The following CTDSPL2 variants were observed in gnomAD, a reference collection of about 807,000 sequenced individuals.
The protein encoded by CTDSPL2 is CTD small phosphatase-like protein 2.
CTDSPL2 carries 5 observed loss-of-function variants against 60.0 expected under a neutral mutation model. The observed-to-expected ratio is 0.08, with a 90% CI of 0.04 to 0.18. CTDSPL2 has a LOEUF of 0.18. Among genes scored for constraint, CTDSPL2 ranks in the 10% least tolerant of loss-of-function variants. CTDSPL2 has a pLI of 1.00. For synonymous variants in CTDSPL2, 186 were observed against 189.3 expected (o/e 0.98, Z 0.14); for missense variants, 370 against 548.8 (o/e 0.67, Z 3.26).
intron 1 of CTDSPL2, among the ~76,000 whole-genome samples, chr15:44,436,233 G>A (rs1355785034): frequency 6.6e-6 from 1 of 152,210 alleles, no homozygotes; most frequent in Non-Finnish European, 1.5e-5. Flanking sequence ...CATACCATTT[G>A]TAAGGTAGAG....
chr15:44,446,575 A>G (rs1297455849), intron 1 of CTDSPL2, among the ~76,000 whole-genome samples: 1 of 150,682 alleles, frequency 6.6e-6, no homozygotes, highest in East Asian at 2.0e-4. Context: ...GGTTGCAGTG[A>G]GCTGAGATAG....
intron 2 of CTDSPL2, among the ~76,000 whole-genome samples, chr15:44,460,403 C>T (rs765520666): frequency 5.3e-5 from 8 of 152,138 alleles, no homozygotes; most frequent in Non-Finnish European, 1.0e-4. Flanking sequence ...CCACCGCGCC[C>T]GGCCTCAGTT....
chr15:44,523,931 C>G (rs188451225), intron 12 of CTDSPL2, among the ~76,000 whole-genome samples, 178 bp from the exon 13 acceptor site: 1 of 152,156 alleles, frequency 6.6e-6, no homozygotes, highest in South Asian at 2.1e-4. Context: ...AAATCTTCAA[C>G]GAAATTCTTT....
intron 8 of CTDSPL2, among the ~76,000 whole-genome samples, chr15:44,510,580 G>C (rs1465932861): frequency 6.6e-6 from 1 of 152,094 alleles, no homozygotes; most frequent in East Asian, 1.9e-4. Context: ...TTTGGCCTTT[G>C]GGAGATTACA....
chr15:44,430,589 T>G (rs1007380890), intron 1 of CTDSPL2, among the ~76,000 whole-genome samples: 2 of 152,120 alleles, frequency 1.3e-5, no homozygotes, highest in African/African-American at 4.8e-5. Flanking sequence ...GACTGTGCTT[T>G]AGATTGATGA....
At chr15:44,434,098 T>A (rs192981015) in intron 1 of CTDSPL2, among the ~76,000 whole-genome samples, 15 of 147,608 alleles carry the variant, frequency 1.0e-4, no homozygotes, top group South Asian at 6.2e-4. Context: ...TTATTTATTT[T>A]TTTCTTAAGA....
chr15:44,481,241 G>C (rs1347167989), intron 2 of CTDSPL2, among the ~76,000 whole-genome samples: 1 of 152,186 alleles, frequency 6.6e-6, no homozygotes, highest in Non-Finnish European at 1.5e-5. Context: ...TGATTTTACT[G>C]TCAATGACTG....
chr15:44,485,085 G>T (rs2081094359), intron 3 of CTDSPL2, among the ~76,000 whole-genome samples: 1 of 152,100 alleles, frequency 6.6e-6, no homozygotes, highest in African/African-American at 2.4e-5. Context: ...TCCTCCAAGG[G>T]ACATTTGTCA....
At chr15:44,464,121 T>A (rs553871552) in intron 2 of CTDSPL2, among the ~76,000 whole-genome samples, 2 of 152,286 alleles carry the variant, frequency 1.3e-5, no homozygotes, top group Admixed American at 6.5e-5. Context: ...GCGATTCTCC[T>A]GTCTCAGCTT....
chr15:44,498,555 C>T (rs1172198458), intron 7 of CTDSPL2, among the ~76,000 whole-genome samples: 10 of 152,042 alleles, frequency 6.6e-5, no homozygotes, highest in Non-Finnish European at 1.0e-4. Context: ...CACTGCATTG[C>T]AGCCTGGGCA....
intron 1 of CTDSPL2, among the ~76,000 whole-genome samples, chr15:44,440,079 G>T (rs1049641403): frequency 1.3e-5 from 2 of 152,148 alleles, no homozygotes; most frequent in East Asian, 3.9e-4. Context: ...ATGGATATGG[G>T]GCTAATTAGG....
intron 10 of CTDSPL2, among the ~76,000 whole-genome samples, chr15:44,518,344 T>C (rs1173806852): frequency 6.6e-6 from 1 of 152,216 alleles, no homozygotes; most frequent in Non-Finnish European, 1.5e-5. Context: ...ATTGAGATTA[T>C]AATAATCACT....
At chr15:44,481,085 C>T (rs1408514435) in intron 2 of CTDSPL2, among the ~76,000 whole-genome samples, 1 of 150,562 alleles carries the variant, frequency 6.6e-6, no homozygotes, top group Non-Finnish European at 1.5e-5. Flanking sequence ...CCTGTAATCC[C>T]AGCACTTTGG....
chr15:44,453,168 C>A (rs974193147), intron 1 of CTDSPL2, among the ~76,000 whole-genome samples: 1 of 152,046 alleles, frequency 6.6e-6, no homozygotes, highest in Non-Finnish European at 1.5e-5. Context: ...CTTAGAACTT[C>A]CAGTAAAATG....
chr15:44,515,471 A>G (rs2081633384), intron 10 of CTDSPL2, among the ~76,000 whole-genome samples: 2 of 152,146 alleles, frequency 1.3e-5, no homozygotes, highest in South Asian at 4.1e-4. Flanking sequence ...TGTCAGCTGA[A>G]GTGAGATAGT....
chr15:44,444,836 GT>G (rs35160726), intron 1 of CTDSPL2, among the ~76,000 whole-genome samples: 98 of 69,610 alleles, frequency 1.4e-3, no homozygotes, highest in Middle Eastern at 8.5e-3. Context: ...ATGGAATGTA[GT>G]TTTTTTTTTT....
intron 9 of CTDSPL2, 35 bp downstream of exon 9, chr15:44,514,695 T>C: frequency 1.3e-6 from 2 of 1,543,786 alleles, no homozygotes; most frequent in Non-Finnish European, 1.8e-6. Context: ...TATGTATTTT[T>C]ATTTTATTCA....
chr15:44,459,455 G>T (rs796407871), intron 2 of CTDSPL2, among the ~76,000 whole-genome samples: 1 of 152,096 alleles, frequency 6.6e-6, no homozygotes, highest in South Asian at 2.1e-4. Flanking sequence ...TGAACCCTAG[G>T]GGGCGGAGCC....
intron 8 of CTDSPL2, among the ~76,000 whole-genome samples, chr15:44,501,089 A>C (rs1872849857): frequency 6.6e-6 from 1 of 152,106 alleles, no homozygotes; most frequent in South Asian, 2.1e-4. Flanking sequence ...TAAGGACAGG[A>C]GTCCTTGTGG....
Sources: allele counts gnomAD v4.1 joint callset (sites outside exome capture counted in the v4.1 genomes callset), GRCh38; gene constraint gnomAD v4.1.1; transcripts MANE v1.5; gene names NCBI Gene and HGNC (gene_info 2026-07-23, HGNC 2026-07-21).